The following TMEM132D variants were observed in gnomAD, a reference collection of about 807,000 sequenced individuals.
TMEM132D encodes transmembrane protein 132D.
In TMEM132D, 21 loss-of-function variants were observed where a neutral mutation model predicts 62.3. The observed-to-expected ratio is 0.34, with a 90% CI of 0.24 to 0.49. The LOEUF is 0.49. Ranked by LOEUF, TMEM132D falls within the 20% of genes least tolerant of loss-of-function variation. The probability of loss-of-function intolerance (pLI) is 0.99; values close to 1 mark genes in which losing one functional copy is unlikely to be tolerated. For missense variants in TMEM132D, 1,346 were observed against 1,402.8 expected, an observed-to-expected ratio of 0.96 and a Z score of 0.65; for synonymous variants, 621 against 575.6, an observed-to-expected ratio of 1.08 and a Z score of -1.13.
At chr12:129,712,362 G>A (rs912026062) in intron 1 of TMEM132D, among the ~76,000 whole-genome samples, 2 of 152,154 alleles carry the variant, frequency 1.3e-5, no homozygotes, top group African/African-American at 2.4e-5. Flanking sequence ...CTGAGCTCGT[G>A]ATCTGCCCGC....
chr12:129,390,211 G>C (rs997504035), intron 3 of TMEM132D, among the ~76,000 whole-genome samples: 2 of 152,168 alleles, frequency 1.3e-5, no homozygotes, highest in Admixed American at 1.3e-4. Context: ...GGGCCAGTTC[G>C]GGTCCTCCGT....
At chr12:129,675,047 C>T (rs1880594106) in intron 2 of TMEM132D, among the ~76,000 whole-genome samples, 1 of 151,896 alleles carries the variant, frequency 6.6e-6, no homozygotes. Context: ...GTCTTTAGAG[C>T]CAAATAAGCT....
chr12:129,129,607 A>G (rs1378174403), intron 5 of TMEM132D, among the ~76,000 whole-genome samples: 1 of 152,212 alleles, frequency 6.6e-6, no homozygotes, highest in Admixed American at 6.5e-5. Context: ...ATTCCTACCA[A>G]CAGTGTATAA....
At chr12:129,759,962 G>A (rs1870298053) in intron 1 of TMEM132D, among the ~76,000 whole-genome samples, 1 of 152,024 alleles carries the variant, frequency 6.6e-6, no homozygotes, top group South Asian at 2.1e-4. Flanking sequence ...CTGGAGTACA[G>A]TGGTGCAATC....
intron 2 of TMEM132D, among the ~76,000 whole-genome samples, chr12:129,546,808 A>G (rs1258770261): frequency 6.6e-6 from 1 of 152,104 alleles, no homozygotes; most frequent in Non-Finnish European, 1.5e-5. Context: ...CTCAAAAAAA[A>G]AAAAGAAAAG....
intron 4 of TMEM132D, among the ~76,000 whole-genome samples, chr12:129,285,138 G>C (rs1457606504): frequency 6.6e-6 from 1 of 152,156 alleles, no homozygotes; most frequent in African/African-American, 2.4e-5. Flanking sequence ...CCCAAGAGGG[G>C]ATGTGGCCCT....
intron 3 of TMEM132D, among the ~76,000 whole-genome samples, chr12:129,491,013 C>T (rs1271664940): frequency 2.0e-5 from 3 of 152,096 alleles, no homozygotes; most frequent in African/African-American, 7.2e-5. Flanking sequence ...AGCTTTATGG[C>T]AGCTTTTGAA....
intron 2 of TMEM132D, among the ~76,000 whole-genome samples, chr12:129,610,370 T>C (rs565002539): frequency 6.6e-6 from 1 of 152,216 alleles, no homozygotes; most frequent in South Asian, 2.1e-4. Flanking sequence ...CATTCTTCTA[T>C]CTTAAACCCT....
intron 2 of TMEM132D, among the ~76,000 whole-genome samples, chr12:129,565,533 C>A (rs1413803259): frequency 1.3e-5 from 2 of 152,202 alleles, no homozygotes; most frequent in Admixed American, 1.3e-4. Flanking sequence ...TTCCATTATG[C>A]CCTGAACTAG....
At chr12:129,777,305 C>T (rs1175549360) in intron 1 of TMEM132D, among the ~76,000 whole-genome samples, 1 of 152,190 alleles carries the variant, frequency 6.6e-6, no homozygotes, top group Admixed American at 6.5e-5. Flanking sequence ...TGTCAAGAAG[C>T]CAGACACCCA....
intron 2 of TMEM132D, among the ~76,000 whole-genome samples, chr12:129,576,477 C>T (rs1273775724): frequency 6.6e-6 from 1 of 151,394 alleles, no homozygotes; most frequent in East Asian, 1.9e-4. Flanking sequence ...TATATGCATA[C>T]ATATGTGTAC....
At chr12:129,535,942 TTTATAATGAACA>T (rs1279753568) in intron 2 of TMEM132D, among the ~76,000 whole-genome samples, 2 of 152,156 alleles carry the variant, frequency 1.3e-5, no homozygotes, top group Non-Finnish European at 2.9e-5. Flanking sequence ...AGGCTATTTG[TTTATAATGAACA>T]TAGTCCTGTT....
chr12:129,454,548 A>T (rs2135728604), intron 3 of TMEM132D, among the ~76,000 whole-genome samples: 1 of 152,350 alleles, frequency 6.6e-6, no homozygotes, highest in South Asian at 2.1e-4. Context: ...ACACAATGAT[A>T]CTTTACAGGC....
intron 5 of TMEM132D, among the ~76,000 whole-genome samples, chr12:129,181,074 G>A (rs544446345): frequency 1.4e-3 from 208 of 152,238 alleles, no homozygotes; most frequent in Non-Finnish European, 2.4e-3. Flanking sequence ...CTCAGGAGTC[G>A]CTGTGAAGAT....
intron 3 of TMEM132D, among the ~76,000 whole-genome samples, chr12:129,472,069 G>T (rs1874107901): frequency 6.6e-6 from 1 of 152,200 alleles, no homozygotes; most frequent in Non-Finnish European, 1.5e-5. Flanking sequence ...TTATCCAGAA[G>T]ATCTAGCTAA....
intron 1 of TMEM132D, among the ~76,000 whole-genome samples, chr12:129,814,709 C>G (rs547938712): frequency 2.0e-5 from 3 of 151,958 alleles, no homozygotes; most frequent in African/African-American, 2.4e-5. Context: ...TTCTTCCAAG[C>G]CTTCCTTTGA....
At chr12:129,859,706 C>T (rs1873831983) in intron 1 of TMEM132D, among the ~76,000 whole-genome samples, 1 of 152,164 alleles carries the variant, frequency 6.6e-6, no homozygotes, top group South Asian at 2.1e-4. Flanking sequence ...TCATCTTTCT[C>T]CCATGCTGGA....
At chr12:129,883,295 C>G (rs1326181710) in intron 1 of TMEM132D, among the ~76,000 whole-genome samples, 2 of 152,146 alleles carry the variant, frequency 1.3e-5, no homozygotes, top group South Asian at 4.1e-4. Context: ...ACCCAAAAAT[C>G]TGGAAGACCA....
intron 3 of TMEM132D, among the ~76,000 whole-genome samples, chr12:129,366,501 C>T (rs1870417579): frequency 1.3e-5 from 2 of 152,166 alleles, no homozygotes; most frequent in African/African-American, 4.8e-5. Flanking sequence ...AGAAGCTGAG[C>T]AGACTCCAGC....
Sources: allele counts gnomAD v4.1 joint callset (sites outside exome capture counted in the v4.1 genomes callset), GRCh38; gene constraint gnomAD v4.1.1; transcripts MANE v1.5; gene names NCBI Gene and HGNC (gene_info 2026-07-23, HGNC 2026-07-21).